Variants in ITPKB observed in about 807,000 individuals in gnomAD.
The protein encoded by ITPKB is IP3 3-kinase B.
In ITPKB, 13 loss-of-function variants were observed where a neutral mutation model predicts 69.4. The observed-to-expected ratio is 0.19, with a 90% confidence interval of 0.12 to 0.30. The LOEUF is 0.30. ITPKB is among the 10% of genes least tolerant of loss of function. The pLI is 1.00. For missense variants in ITPKB, 1,240 were observed against 1,250.5 expected (o/e 0.99, Z 0.13); for synonymous variants, 584 against 513.7 (o/e 1.14, Z -1.85).
At chr1:226,659,257 A>C (rs2102755625) in intron 2 of ITPKB, among the ~76,000 whole-genome samples, 1 of 152,180 alleles carries the variant, frequency 6.6e-6, no homozygotes, top group East Asian at 1.9e-4. Context: ...TTCCACCATA[A>C]GCCCTAAACC....
intron 2 of ITPKB, among the ~76,000 whole-genome samples, chr1:226,681,627 AT>A (rs1656096077): frequency 1.3e-5 from 2 of 152,166 alleles, no homozygotes; most frequent in Non-Finnish European, 2.9e-5. Flanking sequence ...AAATATAAAC[AT>A]TTTCTTTTAA....
intron 2 of ITPKB, among the ~76,000 whole-genome samples, chr1:226,715,488 C>G (rs114313091): frequency 1.3e-5 from 2 of 152,180 alleles, no homozygotes; most frequent in East Asian, 1.9e-4. Flanking sequence ...CACACACAAC[C>G]ATCCTGGAAG....
At chr1:226,646,252 G>A (rs757352715) in intron 4 of ITPKB, among the ~76,000 whole-genome samples, 38 of 152,180 alleles carry the variant, frequency 2.5e-4, no homozygotes, top group Admixed American at 3.9e-4. Flanking sequence ...CATGAGCACC[G>A]CACGCTGGAC....
chr1:226,707,108 A>T lies in ITPKB; in HGVS notation c.1932+28419T>A, dbSNP rs1656820442. The T allele has an allele frequency of 7.2e-6, 6 of 830,090 alleles. No individual in the cohort carries two copies. In the South Asian group the frequency reaches 3.3e-4, roughly 46 times the overall value. 51.4% of individuals were successfully genotyped at this position (830,090 alleles called of 1,614,324 possible). A position where few individuals can be genotyped will look rare whatever the true frequency, so the allele number is the denominator to read the frequency against. On this transcript the variant is annotated intron_variant, in intron 2 of 7. Transcript: ENST00000429204. Reference sequence around the variant, plus strand: ...TTTCCAGGCCAGCGCAATTAAGAACAATTTCACAAGGAAATAAAGGGACCT... The same window carrying T: ...TTTCCAGGCCAGCGCAATTAAGAACTATTTCACAAGGAAATAAAGGGACCT...
Position 226,642,110 on chromosome 1 carries a change from C to T in ITPKB, c.2262G>A (p.Glu754=), listed in dbSNP as rs1290823019. ...GCTTCTTCCGGGCCTTCGTGAGCTCCTCCTCCAGGTAGGTCCTACGTGGGA... is the reference window on the plus strand; with the variant it reads ...GCTTCTTCCGGGCCTTCGTGAGCTCTTCCTCCAGGTAGGTCCTACGTGGGA... ...CKMGIRTYLE[E]ELTKARKKPS... is the part of the protein sequence containing the mutation. The change falls in exon 5 of 8, where the codon GAG becomes GAA. Residue 754 remains glutamate, a synonymous_variant. Transcript: ENST00000429204. The surrounding 1 kb of genome is among the most constrained non-coding windows in gnomAD (Gnocchi z 6.4). 3 of 1,613,820 alleles carry T rather than the reference C, an allele frequency of 1.9e-6. No individual in the cohort carries two copies. Among genetic ancestry groups the T allele is most frequent in the Admixed American group, 1.7e-5 (1 of 60,022 alleles).
intron 2 of ITPKB, among the ~76,000 whole-genome samples, chr1:226,724,033 G>T (rs1184275676): frequency 6.6e-6 from 1 of 152,120 alleles, no homozygotes; most frequent in African/African-American, 2.4e-5. Context: ...CACAACTGGT[G>T]GAGGGGTGTC....
rs368759431 is a variant in ITPKB, at chr1:226,722,888, A to G, written c.1932+12639T>C. Among the ~76,000 whole-genome samples the G allele has an allele frequency of 7.2e-5, 11 of 152,290 alleles. No individual in the cohort carries two copies. The East Asian group carries it at 2.1e-3, about 29-fold the overall frequency. ...AAAAGGTTTGAATAGATCATCCTGG[A>G]CAGAAAAGATGCAAACCCCCAGGGG... On this transcript the variant is annotated intron_variant, in intron 2 of 7. Coordinates refer to ENST00000429204, the MANE Select transcript of ITPKB (RefSeq NM_002221.4).
intron 2 of ITPKB, among the ~76,000 whole-genome samples, chr1:226,726,523 A>G (rs1657418757): frequency 6.6e-6 from 1 of 152,100 alleles, no homozygotes; most frequent in African/African-American, 2.4e-5. Flanking sequence ...TAAAAAATAA[A>G]AAATAAGCCA....
intron 2 of ITPKB, among the ~76,000 whole-genome samples, chr1:226,670,028 C>G (rs1416171257): frequency 6.6e-6 from 1 of 151,502 alleles, no homozygotes; most frequent in African/African-American, 2.4e-5. Context: ...ATGCACGCCA[C>G]CATGCCTGGC....
At chr1:226,732,220 G>A (rs1657610134) in intron 2 of ITPKB, among the ~76,000 whole-genome samples, 1 of 151,588 alleles carries the variant, frequency 6.6e-6, no homozygotes, top group African/African-American at 2.4e-5. Flanking sequence ...CAGGTAATTA[G>A]GCCAGTGTTT....
intron 2 of ITPKB, among the ~76,000 whole-genome samples, chr1:226,660,752 G>A (rs774381357): frequency 1.3e-5 from 2 of 152,222 alleles, no homozygotes; most frequent in Non-Finnish European, 2.9e-5. Context: ...AGGAAACAGG[G>A]AGTGGCCAAA....
chr1:226,727,635 C>T (rs899434226), intron 2 of ITPKB, among the ~76,000 whole-genome samples: 1 of 152,176 alleles, frequency 6.6e-6, no homozygotes, highest in South Asian at 2.1e-4. Flanking sequence ...GGGAGGGGGA[C>T]AGAATGCAGA....
In ITPKB at chr1:226,678,911, A is replaced by G. The variant is rs553414821; in HGVS notation, c.1933-30140T>C. On this transcript the variant is annotated intron_variant, in intron 2 of 7. Coordinates refer to ENST00000429204, the MANE Select transcript of ITPKB (RefSeq NM_002221.4). Reference sequence around the variant, plus strand: ...GAACCACAGGCCCAGAGTGGATGTCAGAAAGAGGGGCATCTCAGGGAGCAC... The same window carrying G: ...GAACCACAGGCCCAGAGTGGATGTCGGAAAGAGGGGCATCTCAGGGAGCAC... Among the ~76,000 whole-genome samples, 3 of 152,352 alleles carry G rather than the reference A, an allele frequency of 2.0e-5. No homozygotes were observed. In the East Asian group the frequency reaches 5.8e-4, roughly 29 times the overall value.
chr1:226,711,759 G>A (rs933004213), intron 2 of ITPKB, among the ~76,000 whole-genome samples: 2 of 152,126 alleles, frequency 1.3e-5, no homozygotes, highest in Non-Finnish European at 2.9e-5. Flanking sequence ...GAACCCACTA[G>A]GGTGTCTGCT....
chr1:226,678,414 A>G (rs1013820743), intron 2 of ITPKB, among the ~76,000 whole-genome samples: 7 of 152,212 alleles, frequency 4.6e-5, no homozygotes, highest in Admixed American at 4.6e-4. Context: ...GCAGACCTCA[A>G]ATAGAGTGCT....
chr1:226,721,348 C>CAAAAAAAAAAAAAAAAAAAAGAAA (rs1657236018), intron 2 of ITPKB, among the ~76,000 whole-genome samples: 1 of 64,658 alleles, frequency 1.5e-5, no homozygotes, highest in Non-Finnish European at 3.1e-5. Context: ...AACTCTGTCT[C>CAAAAAAAAAAAAAAAAAAAAGAAA]AAAAAAAAAA....
At chr1:226,708,684 G>A (rs563713018) in intron 2 of ITPKB, among the ~76,000 whole-genome samples, 2 of 152,346 alleles carry the variant, frequency 1.3e-5, no homozygotes, top group East Asian at 3.9e-4. Context: ...GAGATGCAGA[G>A]GACACAGGTC....
At chr1:226,635,294 T>C (rs1371867416) in intron 7 of ITPKB, among the ~76,000 whole-genome samples, 1 of 152,026 alleles carries the variant, frequency 6.6e-6, no homozygotes, top group African/African-American at 2.4e-5. Flanking sequence ...AACCTCAGCT[T>C]ACTGTAGCCT....
chr1:226,703,633 CCT>C (rs1165601426), intron 2 of ITPKB, among the ~76,000 whole-genome samples: 9 of 152,228 alleles, frequency 5.9e-5, no homozygotes, highest in Non-Finnish European at 1.3e-4. Flanking sequence ...GGCGGCCGCC[CCT>C]GTCGCCTTCG....
Sources: allele counts gnomAD v4.1 joint callset (sites outside exome capture counted in the v4.1 genomes callset), GRCh38; gene constraint gnomAD v4.1.1; non-coding constraint Gnocchi (gnomAD v3.1); transcripts MANE v1.5; gene names NCBI Gene and HGNC (gene_info 2026-07-23, HGNC 2026-07-21).